GABPA: variants seen among roughly 807,000 people sequenced by gnomAD.
GABPA encodes GA binding protein transcription factor subunit alpha.
A neutral mutation model predicts 59.4 loss-of-function variants in GABPA; 4 were observed. The observed-to-expected ratio is 0.07, with a 90% confidence interval of 0.03 to 0.15. The LOEUF (loss-of-function observed/expected upper bound fraction) is 0.15, where lower values mean the gene tolerates loss of function less well. Among genes scored for constraint, GABPA ranks in the 10% least tolerant of loss-of-function variants. The pLI, the probability that GABPA is intolerant of heterozygous loss-of-function variation, is 1.00. For missense variants in GABPA, 251 were observed against 543.8 expected (o/e 0.46, Z 5.36); for synonymous variants, 164 against 183.1 (o/e 0.90, Z 0.84).
At chr21:25,755,905 A>T (rs1462616802) in intron 5 of GABPA, among the ~76,000 whole-genome samples, 1 of 152,168 alleles carries the variant, frequency 6.6e-6, no homozygotes, top group Non-Finnish European at 1.5e-5. Context: ...CTCACTTCTT[A>T]CTGGCATCCT....
Position 25,735,091 on chromosome 21 carries a change from T to C in GABPA, c.-514T>C. The C allele has an allele frequency of 1.2e-6, 1 of 849,594 alleles. No individual in the cohort carries two copies. Among genetic ancestry groups the C allele is most frequent in the East Asian group, 2.7e-5 (1 of 37,474 alleles). The allele number at this position is 849,594 out of a possible 1,614,324, so 52.6% of individuals were successfully genotyped here. On this transcript the variant is annotated 5_prime_UTR_variant, in exon 1 of 10. Transcript: ENST00000400075. ...GGAGGGTAAGTGCTTCCGGGTCCCC[T>C]GGCACAGCCTCCGCCATCTTTTCTT...
intron 2 of GABPA, among the ~76,000 whole-genome samples, chr21:25,744,053 A>C (rs926483762): frequency 6.8e-5 from 9 of 133,206 alleles, no homozygotes; most frequent in Non-Finnish European, 1.1e-4. Context: ...AAAAAAAAAA[A>C]AAAAAAAAAA....
intron 2 of GABPA, among the ~76,000 whole-genome samples, chr21:25,743,795 G>A (rs540517929): frequency 6.6e-6 from 1 of 152,186 alleles, no homozygotes; most frequent in South Asian, 2.1e-4. Context: ...GCTCATGCTT[G>A]TAATCCCAGC....
intron 5 of GABPA, among the ~76,000 whole-genome samples, chr21:25,753,807 C>T (rs1003832088): frequency 1.3e-5 from 2 of 152,076 alleles, no homozygotes; most frequent in African/African-American, 2.4e-5. Context: ...ACAGTATTGT[C>T]GGGTTTTTGT....
chr21:25,752,186 G>A lies in GABPA; in HGVS notation c.505G>A (p.Ala169Thr). The A allele has an allele frequency of 6.2e-7, 1 of 1,612,750 alleles. No homozygotes were observed. The highest frequency in any genetic ancestry group is 8.5e-7 in the Non-Finnish European group (1 of 1,179,264). ...AGAACAAGTGACAAGATGGGCTGCTGCACTGGAAGGCTATAGGAAAGAACA... is the reference window on the plus strand; with the variant it reads ...AGAACAAGTGACAAGATGGGCTGCTACACTGGAAGGCTATAGGAAAGAACA... ...TSEQVTRWAAALEGYRKEQER... is the reference protein window; with the variant it reads ...TSEQVTRWAATLEGYRKEQER... Residue 169 changes from alanine (A) to threonine (T), a missense_variant, in exon 5 of 10, where the codon GCA becomes ACA. Around this residue, in one of 4 missense-constraint regions of GABPA, gnomAD observed 207 missense variants for 366.7 expected, o/e 0.56. Transcript: ENST00000400075.
chr21:25,745,265 A>G lies in GABPA; in HGVS notation c.133A>G (p.Asn45Asp). 1 of 1,613,974 alleles carries G rather than the reference A, an allele frequency of 6.2e-7. No individual in the cohort carries two copies. The highest frequency in any genetic ancestry group is 8.5e-7 in the Non-Finnish European group (1 of 1,179,856). ...ATGTGTAAGCCAGGCCATAGACATC[A>G]ATGAACCAATAGGCAATTTAAAGAA... is the stretch of plus-strand genomic sequence containing the variant. ...AECVSQAIDI[N>D]EPIGNLKKLL... The change falls in exon 3 of 10, where the codon AAT (asparagine) becomes GAT (aspartate). Residue 45 changes from asparagine (N) to aspartate (D), a missense_variant. Asn to Asp is a conservative substitution (Grantham distance 23). Around this residue, in one of 4 missense-constraint regions of GABPA, gnomAD observed 207 missense variants for 366.7 expected, o/e 0.56. Coordinates refer to ENST00000400075, the MANE Select transcript of GABPA (RefSeq NM_002040.4).
At chr21:25,746,217 G>T (rs1201867430) in intron 3 of GABPA, among the ~76,000 whole-genome samples, 1 of 152,030 alleles carries the variant, frequency 6.6e-6, no homozygotes, top group Non-Finnish European at 1.5e-5. Flanking sequence ...GTTTTGCTGT[G>T]TTGGCCAGGC....
intron 1 of GABPA, among the ~76,000 whole-genome samples, chr21:25,736,003 T>C (rs2123475508): frequency 6.6e-6 from 1 of 152,292 alleles, no homozygotes; most frequent in Non-Finnish European, 1.5e-5. Context: ...GACTCAGCGA[T>C]TCACTCATTT....
intron 7 of GABPA, 139 bp from the exon 8 acceptor site, chr21:25,764,071 A>T (rs1287989994): frequency 6.4e-6 from 4 of 624,286 alleles, no homozygotes; most frequent in Non-Finnish European, 7.9e-6. Flanking sequence ...GAAATTGTGG[A>T]TTGAGGCTTT....
intron 5 of GABPA, 27 bp from the exon 6 acceptor site, chr21:25,757,983 G>A: frequency 1.4e-6 from 2 of 1,462,482 alleles, no homozygotes; most frequent in African/African-American, 1.4e-5. Context: ...AATGGAACTA[G>A]GCTAAAGTGA....
At chr21:25,752,569 G>A (rs912764341) in intron 5 of GABPA, among the ~76,000 whole-genome samples, 6 of 152,178 alleles carry the variant, frequency 3.9e-5, no homozygotes, top group African/African-American at 1.4e-4. Flanking sequence ...TATGCTATTG[G>A]AATCTCAAAG....
chr21:25,741,907 A>G (rs2035231147), intron 2 of GABPA, among the ~76,000 whole-genome samples: 1 of 152,220 alleles, frequency 6.6e-6, no homozygotes, highest in Non-Finnish European at 1.5e-5. Context: ...ATTGCTTTCA[A>G]TAGTTTTCTC....
chr21:25,743,610 TG>T lies in GABPA; in HGVS notation c.78-1598del, dbSNP rs536101210. 2.3e-3 allele frequency among the ~76,000 whole-genome samples: 350 copies of T among 151,562 alleles called. 3 individuals are homozygous for T. Among genetic ancestry groups the T allele is most frequent in the African/African-American group, 8.1e-3 (336 of 41,228 alleles). The stretch of plus-strand genomic sequence containing the variant: ...TTTTTTTTTTTTTTTTAAGAGAAAT[TG>T]GTACTTTAGATATTTGAGGTCTTCC... On this transcript the variant is annotated intron_variant, in intron 2 of 9. Coordinates refer to ENST00000400075, the MANE Select transcript of GABPA (RefSeq NM_002040.4).
chr21:25,759,028 C>T (rs1221798505), intron 6 of GABPA, among the ~76,000 whole-genome samples: 1 of 152,000 alleles, frequency 6.6e-6, no homozygotes, highest in African/African-American at 2.4e-5. Context: ...TGAGACTGCG[C>T]CACTACACTC....
At chr21:25,749,245 A>T in intron 4 of GABPA, 125 bp downstream of exon 4, 2 of 624,122 alleles carry the variant, frequency 3.2e-6, no homozygotes, top group African/African-American at 3.7e-5. Context: ...GCCAAAATTC[A>T]TGCTTTGGGT....
chr21:25,754,707 A>G (rs1318056166), intron 5 of GABPA, among the ~76,000 whole-genome samples: 1 of 151,880 alleles, frequency 6.6e-6, no homozygotes, highest in African/African-American at 2.4e-5. Flanking sequence ...TGTTGTTTTT[A>G]ACCTTTCCCA....
rs185475470 is a variant in GABPA at position 25,753,601 on chromosome 21, G to A, written c.553+1367G>A. 3.0e-3 allele frequency among the ~76,000 whole-genome samples: 436 copies of A among 145,390 alleles called. 3 individuals are homozygous for A. Among genetic ancestry groups the A allele is most frequent in the Non-Finnish European group, 4.5e-3 (303 of 67,984 alleles). On this transcript the variant is annotated intron_variant, in intron 5 of 9. Coordinates refer to ENST00000400075, the MANE Select transcript of GABPA (RefSeq NM_002040.4). ...CTGAGAAAGTCAAAGAATGCTGACTGATATCTATTAAATTTGATGATCAGA... is the reference window on the plus strand; with the variant it reads ...CTGAGAAAGTCAAAGAATGCTGACTAATATCTATTAAATTTGATGATCAGA...
chr21:25,757,927 ATG>A, intron 5 of GABPA, 81 bp from the exon 6 acceptor site: 1 of 455,122 alleles, frequency 2.2e-6, no homozygotes, highest in Non-Finnish European at 3.6e-6. Flanking sequence ...ATCTGTGTGT[ATG>A]TGTGTGTATT....
At chr21:25,749,283 CAGAT>C (rs2035447590) in intron 4 of GABPA, among the ~76,000 whole-genome samples, 163 bp downstream of exon 4, 3 of 152,116 alleles carry the variant, frequency 2.0e-5, no homozygotes, top group South Asian at 4.1e-4. Flanking sequence ...CAGGGTGAAA[CAGAT>C]AGTACAACAC....
Sources: gnomAD v4.1 joint callset for allele counts (sites outside exome capture counted in the v4.1 genomes callset) on GRCh38, gnomAD v4.1.1 for gene constraint, gnomAD v4.1.1 regional missense constraint, MANE v1.5 for transcripts, NCBI Gene and HGNC (gene_info 2026-07-23, HGNC 2026-07-21) for gene names.